SLU7: variants seen among roughly 807,000 people sequenced by gnomAD.
SLU7 encodes the protein spliceosome associated SLU7.
Under a neutral mutation model 87.0 loss-of-function variants are expected in SLU7, and 60 were observed. That is an observed-to-expected ratio of 0.69 (90% CI 0.56 to 0.86). SLU7 has a LOEUF of 0.86. Ranked by LOEUF, SLU7 falls within the 40% of genes least tolerant of loss-of-function variation. The pLI, the probability that SLU7 is intolerant of heterozygous loss-of-function variation, is 0.00. For missense variants in SLU7, 507 were observed against 686.6 expected (o/e 0.74, Z 2.92); for synonymous variants, 197 against 222.0 (o/e 0.89, Z 1.00).
chr5:160,410,924 C>T (rs570692505), intron 6 of SLU7, among the ~76,000 whole-genome samples: 1 of 150,686 alleles, frequency 6.6e-6, no homozygotes, highest in Non-Finnish European at 1.5e-5. Flanking sequence ...TGGAGTGCAG[C>T]GGCATGATCT....
intron 8 of SLU7, 73 bp downstream of exon 8, chr5:160,408,256 C>G: frequency 6.8e-7 from 1 of 1,478,100 alleles, no homozygotes; most frequent in Non-Finnish European, 9.3e-7. Flanking sequence ...CCATATGCTA[C>G]CCAGAGTCGA....
chr5:160,408,093 A>G (rs1438029578), intron 8 of SLU7, 25 bp from the exon 9 acceptor site: 1 of 1,502,840 alleles, frequency 6.7e-7, no homozygotes. Flanking sequence ...TATTTAAAGA[A>G]TTAATGTTTA....
rs1295267169 is a variant in SLU7, at chr5:160,415,197, C to T, written c.98G>A (p.Trp33Ter). ...TTCTTCTAGCTCCTTCTTCTTTCTC[C>T]AGTCCTCTCTGGTCATCTTCTTTGG... ...EEPKKMTRED[W>*]RKKKELEEQR... The change falls in exon 2 of 16, where the codon TGG becomes TAG. Residue 33 changes from tryptophan to a stop codon, truncating the protein, a stop_gained. Coordinates refer to ENST00000297151, the MANE Select transcript of SLU7 (RefSeq NM_006425.5). LOFTEE classifies it high-confidence loss of function. 2 of 1,612,336 alleles carry T rather than the reference C, an allele frequency of 1.2e-6. No individual in the cohort carries two copies.
chr5:160,407,958 A>G lies in SLU7; in HGVS notation c.917+13T>C. 1 of 1,578,934 alleles carries G rather than the reference A, an allele frequency of 6.3e-7. No homozygotes were observed. Among genetic ancestry groups the G allele is most frequent in the Admixed American group, 1.7e-5 (1 of 59,928 alleles). ...TCTCATCTTAAAATCTGTACATTTA[A>G]CTTGATACTTACTCATCTGGATTCT... is the stretch of plus-strand genomic sequence containing the variant. On this transcript the variant is annotated intron_variant, in intron 9 of 15. Coordinates refer to ENST00000297151, the MANE Select transcript of SLU7 (RefSeq NM_006425.5). This position sits in a 1 kb window ranked among gnomAD's most constrained non-coding sequence, Gnocchi z 4.2.
At chr5:160,406,182 T>C (rs889129696) in intron 12 of SLU7, among the ~76,000 whole-genome samples, 1 of 152,212 alleles carries the variant, frequency 6.6e-6, no homozygotes, top group African/African-American at 2.4e-5. Flanking sequence ...TATATATGTG[T>C]ATTTTACATA....
intron 2 of SLU7, among the ~76,000 whole-genome samples, chr5:160,414,891 A>G (rs937319453): frequency 1.3e-5 from 2 of 152,204 alleles, no homozygotes; most frequent in African/African-American, 2.4e-5. Flanking sequence ...CATAGCAGTC[A>G]CTTCTGTAGA....
rs1217449221 is a variant in SLU7 at position 160,402,206 on chromosome 5, T to C, written c.*1079A>G. 1.3e-5 allele frequency: 2 copies of C among 152,232 alleles called. No homozygotes were observed. Among genetic ancestry groups the C allele is most frequent in the Non-Finnish European group, 2.9e-5 (2 of 68,046 alleles). The allele number at this position is 152,232 out of a possible 1,614,324, so 9.4% of individuals were successfully genotyped here. The stretch of plus-strand genomic sequence containing the variant: ...ATATTCTACAATTTAAAAAATCTAA[T>C]ATTCATGATTGTTACATAGGGGCAA... On this transcript the variant is annotated 3_prime_UTR_variant, in exon 16 of 16. Coordinates refer to ENST00000297151, the MANE Select transcript of SLU7 (RefSeq NM_006425.5).
intron 8 of SLU7, 39 bp from the exon 9 acceptor site, chr5:160,408,107 A>T: frequency 6.9e-7 from 1 of 1,439,978 alleles, no homozygotes; most frequent in African/African-American, 1.4e-5. Context: ...ATGTTTACTC[A>T]CAGCAAAAAG....
chr5:160,407,732 G>C lies in SLU7; in HGVS notation c.985+14C>G, dbSNP rs374552993. On this transcript the variant is annotated intron_variant, in intron 10 of 15. Coordinates refer to ENST00000297151, the MANE Select transcript of SLU7 (RefSeq NM_006425.5). The surrounding 1 kb of genome is among the most constrained non-coding windows in gnomAD (Gnocchi z 4.2). The stretch of plus-strand genomic sequence containing the variant: ...AGCTGATATAAAATGGCTTGACATA[G>C]AGGAAACACTTACACTGTGTCTGAG... The C allele has an allele frequency of 3.7e-5, 59 of 1,609,874 alleles. No individual in the cohort carries two copies. In the East Asian group the frequency reaches 9.8e-4, roughly 27 times the overall value.
chr5:160,412,352 C>G (rs1561561105), intron 6 of SLU7, 99 bp downstream of exon 6: 2 of 758,086 alleles, frequency 2.6e-6, no homozygotes, highest in Non-Finnish European at 4.5e-6. Flanking sequence ...GCATTTCTCT[C>G]TTCCTAACTG....
At position 160,407,859 on chromosome 5, in the gene SLU7, AAATT is replaced by A; in HGVS notation, c.918-50_918-47del. ...AATGTTTCAGAGATTGATTTAAGGA[AAATT>A]AATTCGTAAAACTGAATCTGAATTA... On this transcript the variant is annotated intron_variant, in intron 9 of 15. Transcript: ENST00000297151. The surrounding 1 kb of genome is among the most constrained non-coding windows in gnomAD (Gnocchi z 4.2). The A allele has an allele frequency of 6.5e-7, 1 of 1,541,756 alleles. No homozygotes were observed. Among genetic ancestry groups the A allele is most frequent in the Non-Finnish European group, 9.0e-7 (1 of 1,116,844 alleles).
In SLU7 at chr5:160,405,101, C is replaced by T. The variant is rs374913529; in HGVS notation, c.1322G>A (p.Trp441Ter). The T allele has an allele frequency of 6.2e-7, 1 of 1,613,726 alleles. No homozygotes were observed. The highest frequency in any genetic ancestry group is 1.3e-5 in the African/African-American group (1 of 74,912). ...IWGSYWKEGR[W>*]GYKCCHSFFK... is the part of the protein sequence containing the mutation. ...AAAAGAGTGACAGCATTTGTATCCC[C>T]ATCGGCCTTCTTTCCAGTACGATCC... The change falls in exon 13 of 16, where the codon TGG becomes TAG. Residue 441 changes from tryptophan to a stop codon, truncating the protein, a stop_gained. Coordinates refer to ENST00000297151, the MANE Select transcript of SLU7 (RefSeq NM_006425.5). LOFTEE classifies it high-confidence loss of function.
chr5:160,408,151 A>T (rs1310911805), intron 8 of SLU7, 83 bp from the exon 9 acceptor site: 22 of 1,166,544 alleles, frequency 1.9e-5, no homozygotes, highest in Middle Eastern at 5.0e-4. Flanking sequence ...GTTGAACATG[A>T]TCAATTAAAT....
rs57812151 is a variant in SLU7 at position 160,412,523 on chromosome 5, TAAAAAAA to T, written c.571-11_571-5del. ...GGGCTTTCAATGTTCGTTTTGCCTT[TAAAAAAA>T]AAAAAAAGAAAGAAAGAAAGAAAAA... On this transcript the variant is annotated splice_polypyrimidine_tract_variant and splice_region_variant and intron_variant, in intron 5 of 15. Transcript: ENST00000297151. 1.3e-5 allele frequency: 11 copies of T among 837,706 alleles called. 1 individual carries two copies. The South Asian group carries it at 2.5e-4, about 19-fold the overall frequency. 51.9% of individuals were successfully genotyped at this position (837,706 alleles called of 1,614,324 possible). A position where few individuals can be genotyped will look rare whatever the true frequency, so the allele number is the denominator to read the frequency against.
rs1765073289 is a variant in SLU7 at position 160,407,898 on chromosome 5, C to T, written c.917+73G>A. 5.5e-6 allele frequency: 8 copies of T among 1,455,190 alleles called. No individual in the cohort carries two copies. Among genetic ancestry groups the T allele is most frequent in the Non-Finnish European group, 6.7e-6 (7 of 1,037,130 alleles). 90.1% of individuals were successfully genotyped at this position (1,455,190 alleles called of 1,614,324 possible). ...AACTGAATCTGAATTAAAATGAACA[C>T]CATCTATGGTCAGGTCAGAAAACAA... is the stretch of plus-strand genomic sequence containing the variant. On this transcript the variant is annotated intron_variant, in intron 9 of 15. Transcript: ENST00000297151. This position sits in a 1 kb window ranked among gnomAD's most constrained non-coding sequence, Gnocchi z 4.2.
intron 12 of SLU7, 151 bp downstream of exon 12, chr5:160,406,317 A>C: frequency 1.7e-6 from 1 of 590,778 alleles, no homozygotes; most frequent in Non-Finnish European, 2.7e-6. Flanking sequence ...AAATTTTTCT[A>C]TTTTTGAAAA....
At chr5:160,405,007 T>C in intron 13 of SLU7, 24 bp downstream of exon 13, 1 of 1,583,560 alleles carries the variant, frequency 6.3e-7, no homozygotes, top group Non-Finnish European at 8.7e-7. Context: ...TTTATACCTT[T>C]AAGAACCAAA....
rs1765092560 is a variant in SLU7, at chr5:160,408,359, C to G, written c.789G>C (p.Arg263=). ...CAATATCTTCTCGAATCCTGAGATT[C>G]CGGACAGTAATTCGTCTCTTGGAGT... ...NFDSKRRITV[R]NLRIREDIAK... The change falls in exon 8 of 16, where the codon CGG becomes CGC. Residue 263 remains arginine (R), a synonymous_variant. Coordinates refer to ENST00000297151, the MANE Select transcript of SLU7 (RefSeq NM_006425.5). 1 of 1,610,026 alleles carries G rather than the reference C, an allele frequency of 6.2e-7. No homozygotes were observed. Among genetic ancestry groups the G allele is most frequent in the East Asian group, 2.2e-5 (1 of 44,678 alleles).
At chr5:160,409,477 C>T (rs1368614746) in intron 6 of SLU7, among the ~76,000 whole-genome samples, 1 of 151,992 alleles carries the variant, frequency 6.6e-6, no homozygotes, top group Non-Finnish European at 1.5e-5. Flanking sequence ...TGTATATATA[C>T]TATATAGATG....
Sources: gnomAD v4.1 joint callset for allele counts (sites outside exome capture counted in the v4.1 genomes callset) on GRCh38, gnomAD v4.1.1 for gene constraint, Gnocchi (gnomAD v3.1) non-coding constraint, MANE v1.5 for transcripts, NCBI Gene and HGNC (gene_info 2026-07-23, HGNC 2026-07-21) for gene names.